Variants in NSRP1 observed in about 807,000 individuals in gnomAD.
NSRP1 encodes the protein nuclear speckle splicing regulatory protein 1, also known as coiled-coil domain containing 55.
Under a neutral mutation model 54.7 loss-of-function variants are expected in NSRP1, and 24 were observed. The observed-to-expected ratio is 0.44, with a 90% CI of 0.32 to 0.62. The LOEUF (loss-of-function observed/expected upper bound fraction) is 0.62. NSRP1 is among the 20% of genes least tolerant of loss of function. The pLI, the probability that NSRP1 is intolerant of heterozygous loss-of-function variation, is 0.06. For missense variants in NSRP1, 596 were observed against 651.2 expected (o/e 0.92, Z 0.92); for synonymous variants, 210 against 213.8 (o/e 0.98, Z 0.15).
At chr17:30,153,234 T>A (rs556465485) in intron 2 of NSRP1, among the ~76,000 whole-genome samples, 1 of 152,240 alleles carries the variant, frequency 6.6e-6, no homozygotes, top group South Asian at 2.1e-4. Context: ...GGCATTTTTA[T>A]ATCCTGTTGT....
chr17:30,134,002 C>G (rs2071725887), intron 2 of NSRP1, among the ~76,000 whole-genome samples: 1 of 152,212 alleles, frequency 6.6e-6, no homozygotes, highest in Admixed American at 6.5e-5. Context: ...TCAGCTTAAT[C>G]ATTTCCAGCT....
chr17:30,174,782 A>G (rs977909229), intron 3 of NSRP1, among the ~76,000 whole-genome samples: 6 of 152,230 alleles, frequency 3.9e-5, no homozygotes, highest in African/African-American at 1.4e-4. Context: ...ACTTTAGAAA[A>G]TCAATCATTG....
At chr17:30,165,400 A>C (rs952865103) in intron 2 of NSRP1, among the ~76,000 whole-genome samples, 1 of 152,202 alleles carries the variant, frequency 6.6e-6, no homozygotes, top group Non-Finnish European at 1.5e-5. Context: ...ATTGTACTCT[A>C]TGCAACTTAC....
intron 1 of NSRP1, chr17:30,117,333 G>A: frequency 1.8e-6 from 1 of 562,756 alleles, no homozygotes; most frequent in South Asian, 2.3e-5. Flanking sequence ...CAGAAAAAGG[G>A]TAGGCATATA....
chr17:30,171,954 ACACACACACACACACACACTCCCT>A (rs1433086781), intron 2 of NSRP1, among the ~76,000 whole-genome samples: 1 of 134,404 alleles, frequency 7.4e-6, no homozygotes, highest in African/African-American at 2.8e-5. Flanking sequence ...ACACACACAC[ACACACACACACACACACACTCCCT>A]CTCTCTCTCT....
intron 6 of NSRP1, among the ~76,000 whole-genome samples, chr17:30,182,452 GC>G (rs1445633424): frequency 6.6e-6 from 1 of 151,958 alleles, no homozygotes; most frequent in African/African-American, 2.4e-5. Context: ...GACCATCCTG[GC>G]CAACATGGTG....
intron 3 of NSRP1, among the ~76,000 whole-genome samples, chr17:30,176,329 G>A (rs1258173544): frequency 1.3e-5 from 2 of 152,074 alleles, no homozygotes; most frequent in Admixed American, 1.3e-4. Context: ...AAACAGCCCT[G>A]GCCGGGTGCA....
At chr17:30,180,555 C>T (rs1406656806) in intron 5 of NSRP1, among the ~76,000 whole-genome samples, 1 of 152,174 alleles carries the variant, frequency 6.6e-6, no homozygotes. Flanking sequence ...TGTAAAGGAC[C>T]AGATAGTATT....
In NSRP1 at chr17:30,140,727, A is replaced by G. The variant is rs553566527; in HGVS notation, c.114+22554A>G. Among the ~76,000 whole-genome samples the G allele has an allele frequency of 7.2e-5, 11 of 151,810 alleles. No homozygotes were observed. The East Asian group carries it at 1.9e-3, about 27-fold the overall frequency. ...GTATTTTTAGTAGAGACAGGGTTTC[A>G]CCATGTTGGTCAGGCTGGTCTCGAA... On this transcript the variant is annotated intron_variant, in intron 2 of 6. Coordinates refer to ENST00000247026, the MANE Select transcript of NSRP1 (RefSeq NM_032141.4).
intron 2 of NSRP1, among the ~76,000 whole-genome samples, chr17:30,156,371 A>G (rs1431402963): frequency 7.9e-6 from 1 of 127,326 alleles, no homozygotes; most frequent in Non-Finnish European, 1.7e-5. Context: ...GTTCACTATC[A>G]TTCTACTCTC....
chr17:30,182,979 T>G (rs987007447), intron 6 of NSRP1, among the ~76,000 whole-genome samples: 1 of 151,868 alleles, frequency 6.6e-6, no homozygotes, highest in African/African-American at 2.4e-5. Context: ...GTAAATAAAA[T>G]TTAAAGTTTT....
rs776766139 is a variant in NSRP1 at position 30,180,768 on chromosome 17, G to A, written c.509-140G>A. The A allele has an allele frequency of 1.8e-4, 100 of 565,202 alleles. 1 individual carries two copies. Among genetic ancestry groups the A allele is most frequent in the Admixed American group, 9.9e-4 (32 of 32,430 alleles). 35.0% of individuals were successfully genotyped at this position (565,202 alleles called of 1,614,324 possible). ...AATTTATTTATGAAAACAGGCAACAGGCCAGATTTGGCCTGCAGTTTGCCA... is the reference window on the plus strand; with the variant it reads ...AATTTATTTATGAAAACAGGCAACAAGCCAGATTTGGCCTGCAGTTTGCCA... On this transcript the variant is annotated intron_variant, in intron 5 of 6. Transcript: ENST00000247026.
intron 2 of NSRP1, among the ~76,000 whole-genome samples, chr17:30,153,023 C>T (rs2071928441): frequency 6.8e-6 from 1 of 147,818 alleles, no homozygotes; most frequent in African/African-American, 2.5e-5. Flanking sequence ...AAGTGATTCT[C>T]ATGCCTCACC....
intron 1 of NSRP1, 80 bp from the exon 2 acceptor site, chr17:30,118,000 C>A: frequency 9.2e-7 from 1 of 1,092,672 alleles, no homozygotes; most frequent in Admixed American, 1.9e-5. Context: ...TTGGTAGCTT[C>A]ATGTGGAAGA....
intron 2 of NSRP1, among the ~76,000 whole-genome samples, chr17:30,121,572 T>G (rs866588946): frequency 4.4e-4 from 59 of 132,994 alleles, no homozygotes; most frequent in Non-Finnish European, 6.6e-4. Context: ...GTGTGTGTGT[T>G]TTTTTTTTTT....
At chr17:30,135,690 G>C (rs1479351876) in intron 2 of NSRP1, among the ~76,000 whole-genome samples, 3 of 148,164 alleles carry the variant, frequency 2.0e-5, no homozygotes, top group Non-Finnish European at 4.5e-5. Flanking sequence ...TAGCCAGGAT[G>C]GTCTCGATCT....
intron 2 of NSRP1, chr17:30,144,527 C>A (rs1251798548): frequency 6.6e-6 from 1 of 152,140 alleles, no homozygotes; most frequent in Non-Finnish European, 1.5e-5. Context: ...TCCCAAAGTG[C>A]TGAGATTACA....
intron 2 of NSRP1, among the ~76,000 whole-genome samples, chr17:30,121,557 CGTGT>C (rs1177357412): frequency 7.2e-6 from 1 of 139,378 alleles, no homozygotes; most frequent in East Asian, 2.1e-4. Flanking sequence ...TGTGTGTGTG[CGTGT>C]GTGTGTGTGT....
At chr17:30,161,206 T>G (rs1288547043) in intron 2 of NSRP1, among the ~76,000 whole-genome samples, 4 of 152,204 alleles carry the variant, frequency 2.6e-5, no homozygotes, top group Admixed American at 1.3e-4. Context: ...ATACAATTCT[T>G]TATGTGTACA....
Sources: gnomAD v4.1 joint callset for allele counts (sites outside exome capture counted in the v4.1 genomes callset) on GRCh38, gnomAD v4.1.1 for gene constraint, MANE v1.5 for transcripts, NCBI Gene and HGNC (gene_info 2026-07-23, HGNC 2026-07-21) for gene names.